The following CACNG2 variants were observed in gnomAD, a reference collection of about 807,000 sequenced individuals.
CACNG2 encodes the protein voltage-dependent calcium channel gamma-2 subunit.
CACNG2 carries 3 observed loss-of-function variants against 25.9 expected under a neutral mutation model. The observed-to-expected ratio is 0.12, with a 90% CI of 0.05 to 0.30. The LOEUF (loss-of-function observed/expected upper bound fraction) is 0.30. Among genes scored for constraint, CACNG2 ranks in the 10% least tolerant of loss-of-function variants. The pLI is 1.00. For synonymous variants in CACNG2, 167 were observed against 173.3 expected (o/e 0.96, Z 0.29); for missense variants, 341 against 432.5 (o/e 0.79, Z 1.88).
intron 1 of CACNG2, among the ~76,000 whole-genome samples, chr22:36,689,834 G>A (rs569515639): frequency 5.6e-4 from 86 of 152,374 alleles, no homozygotes; most frequent in Non-Finnish European, 6.3e-4. Flanking sequence ...TGGGGTCAAG[G>A]TCAGAAAATG....
intron 1 of CACNG2, among the ~76,000 whole-genome samples, chr22:36,607,660 G>A (rs927007227): frequency 4.2e-5 from 6 of 141,534 alleles, no homozygotes; most frequent in African/African-American, 8.4e-5. Context: ...CTCGTGCAAC[G>A]AGGACCCACA....
chr22:36,673,922 C>T (rs570473419), intron 1 of CACNG2, among the ~76,000 whole-genome samples: 5 of 152,282 alleles, frequency 3.3e-5, no homozygotes, highest in East Asian at 3.9e-4. Flanking sequence ...GGAGTGGGGA[C>T]GTGCCTTTAA....
At chr22:36,665,890 C>T (rs1239705022) in intron 1 of CACNG2, among the ~76,000 whole-genome samples, 3 of 152,300 alleles carry the variant, frequency 2.0e-5, no homozygotes, top group Admixed American at 1.3e-4. Context: ...AGAATGGAAA[C>T]CTGGGTCTCA....
intron 1 of CACNG2, among the ~76,000 whole-genome samples, chr22:36,661,679 C>T (rs1461135461): frequency 2.0e-5 from 3 of 152,160 alleles, no homozygotes; most frequent in Admixed American, 6.5e-5. Flanking sequence ...AAAGGGTAAC[C>T]GAGACTGACA....
At chr22:36,568,969 G>A (rs1935177870) in intron 2 of CACNG2, among the ~76,000 whole-genome samples, 1 of 152,066 alleles carries the variant, frequency 6.6e-6, no homozygotes, top group South Asian at 2.1e-4. Context: ...CCCCAGGGAG[G>A]TGTTCTCTCC....
chr22:36,664,018 G>T (rs1034300779), intron 1 of CACNG2, among the ~76,000 whole-genome samples: 1 of 152,112 alleles, frequency 6.6e-6, no homozygotes, highest in African/African-American at 2.4e-5. Context: ...TTTATACCTT[G>T]CTGCTCCCCT....
chr22:36,646,595 A>G (rs901683028), intron 1 of CACNG2, among the ~76,000 whole-genome samples: 6 of 152,186 alleles, frequency 3.9e-5, no homozygotes, highest in African/African-American at 1.4e-4. Flanking sequence ...AATAAAATGT[A>G]AAACCCGTAT....
In CACNG2 at chr22:36,604,719, T is replaced by C. The variant is rs375111349; in HGVS notation, c.212-17171A>G. On this transcript the variant is annotated intron_variant, in intron 1 of 3. Transcript: ENST00000300105. The stretch of plus-strand genomic sequence containing the variant: ...ATAAAATATGTTAAAATTATGTATG[T>C]ACATTGTTTTCTCAGACATAATGCT... Among the ~76,000 whole-genome samples, 9 of 152,220 alleles carry C rather than the reference T, an allele frequency of 5.9e-5. 1 individual carries two copies. In the East Asian group the frequency reaches 1.3e-3, roughly 23 times the overall value.
rs145035879 is a variant in CACNG2 at position 36,590,499 on chromosome 22, C to A, written c.212-2951G>T. On this transcript the variant is annotated intron_variant, in intron 1 of 3. Transcript: ENST00000300105. The stretch of plus-strand genomic sequence containing the variant: ...CAGCGCTGACATCTATCTCTTCCTC[C>A]TCCCTGCAGGCTCCATCCATCAGGG... Among the ~76,000 whole-genome samples, 17 of 152,238 alleles carry A rather than the reference C, an allele frequency of 1.1e-4. No individual in the cohort carries two copies. In the East Asian group the frequency reaches 3.3e-3, roughly 29 times the overall value.
chr22:36,664,287 C>T (rs780077989), intron 1 of CACNG2, among the ~76,000 whole-genome samples: 2 of 152,186 alleles, frequency 1.3e-5, no homozygotes, highest in Non-Finnish European at 2.9e-5. Flanking sequence ...TTTTGACATT[C>T]TTCCATTCAT....
intron 2 of CACNG2, among the ~76,000 whole-genome samples, chr22:36,574,800 C>CAAAACAAAA (rs796378649): frequency 0.015 from 256 of 17,346 alleles, no homozygotes; most frequent in African/African-American, 0.034. Flanking sequence ...CAAAACAAAA[C>CAAAACAAAA]CAAAACAAAA....
intron 1 of CACNG2, among the ~76,000 whole-genome samples, chr22:36,624,903 C>G (rs1263089477): frequency 6.6e-6 from 1 of 151,786 alleles, no homozygotes; most frequent in Admixed American, 6.6e-5. Flanking sequence ...TGGCATGTGC[C>G]TATAATTCCA....
At chr22:36,633,773 C>T (rs1298083122) in intron 1 of CACNG2, among the ~76,000 whole-genome samples, 1 of 152,204 alleles carries the variant, frequency 6.6e-6, no homozygotes, top group Non-Finnish European at 1.5e-5. Flanking sequence ...CTCCGTACTG[C>T]AAGGGCATGC....
intron 1 of CACNG2, among the ~76,000 whole-genome samples, chr22:36,590,931 C>T (rs1449200531): frequency 2.0e-5 from 3 of 152,166 alleles, no homozygotes; most frequent in African/African-American, 4.8e-5. Flanking sequence ...ACTCCCACCA[C>T]GTCCTCTGTT....
intron 1 of CACNG2, among the ~76,000 whole-genome samples, chr22:36,670,227 A>C (rs905769560): frequency 2.0e-5 from 3 of 152,226 alleles, no homozygotes; most frequent in Non-Finnish European, 2.9e-5. Flanking sequence ...GCTAAAGGGC[A>C]AATATGAAAA....
At chr22:36,588,463 C>T (rs1935538830) in intron 1 of CACNG2, among the ~76,000 whole-genome samples, 1 of 152,226 alleles carries the variant, frequency 6.6e-6, no homozygotes, top group Admixed American at 6.5e-5. Flanking sequence ...ACTCTACAAT[C>T]ACCAGAGCAT....
At chr22:36,701,041 C>T (rs1937405145) in intron 1 of CACNG2, among the ~76,000 whole-genome samples, 1 of 152,156 alleles carries the variant, frequency 6.6e-6, no homozygotes, top group South Asian at 2.1e-4. Context: ...GTTTCTCTCT[C>T]ACCCATCCAT....
Position 36,560,995 on chromosome 22 carries a change from G to T in CACNG2, c.*3356C>A, listed in dbSNP as rs1360268991. ...GGACTCACCAAGAAAATAAATGGAG[G>T]TTAGTTTCTTGAACTGGTCTGAGCT... is the stretch of plus-strand genomic sequence containing the variant. On this transcript the variant is annotated 3_prime_UTR_variant, in exon 4 of 4. Transcript: ENST00000300105. The T allele has an allele frequency of 1.3e-5, 2 of 150,770 alleles. No individual in the cohort carries two copies. Among genetic ancestry groups the T allele is most frequent in the African/African-American group, 4.9e-5 (2 of 40,918 alleles). The allele number at this position is 150,770 out of a possible 1,614,324, so 9.3% of individuals were successfully genotyped here.
Position 36,624,093 on chromosome 22 carries a change from C to A in CACNG2, c.212-36545G>T, listed in dbSNP as rs369099684. On this transcript the variant is annotated intron_variant, in intron 1 of 3. Coordinates refer to ENST00000300105, the MANE Select transcript of CACNG2 (RefSeq NM_006078.5). Reference sequence around the variant, plus strand: ...GCCTTAGGGATCCCAAGAGAGGGGACCTTGTTGCCTTTGAGCTTCAGATAT... The same window carrying A: ...GCCTTAGGGATCCCAAGAGAGGGGAACTTGTTGCCTTTGAGCTTCAGATAT... Among the ~76,000 whole-genome samples the A allele has an allele frequency of 3.7e-4, 57 of 152,272 alleles. 1 individual carries two copies. Among genetic ancestry groups the A allele is most frequent in the East Asian group, 2.7e-3 (14 of 5,188 alleles).
Sources: gnomAD v4.1 joint callset for allele counts (sites outside exome capture counted in the v4.1 genomes callset) on GRCh38, gnomAD v4.1.1 for gene constraint, MANE v1.5 for transcripts, NCBI Gene and HGNC (gene_info 2026-07-23, HGNC 2026-07-21) for gene names.